LPA: variants seen among roughly 807,000 people sequenced by gnomAD.
The protein encoded by LPA is apolipoprotein(a).
Under a neutral mutation model 197.9 loss-of-function variants are expected in LPA, and 199 were observed. The observed-to-expected ratio is 1.01, with a 90% CI of 0.90 to 1.13. The LOEUF (loss-of-function observed/expected upper bound fraction) is 1.13, where lower values mean the gene tolerates loss of function less well. Among genes scored for constraint, LPA ranks in the 50% most tolerant of loss-of-function variants. The pLI is 0.00. For synonymous variants in LPA, 715 were observed against 639.5 expected, an observed-to-expected ratio of 1.12 and a Z score of -1.78; for missense variants, 1,853 against 1,785.8, an observed-to-expected ratio of 1.04 and a Z score of -0.68.
intron 22 of LPA, among the ~76,000 whole-genome samples, chr6:160,593,163 C>G (rs957472216): frequency 6.6e-6 from 1 of 152,132 alleles, no homozygotes; most frequent in Non-Finnish European, 1.5e-5. Flanking sequence ...CTCAGTTAAG[C>G]AAGACTGCTG....
chr6:160,603,475 A>G (rs1779284844), intron 18 of LPA, among the ~76,000 whole-genome samples: 2 of 152,100 alleles, frequency 1.3e-5, no homozygotes, highest in Non-Finnish European at 2.9e-5. Flanking sequence ...GCTCTTCTAT[A>G]CTGTTACTGT....
chr6:160,603,435 C>G (rs1050981915), intron 18 of LPA, among the ~76,000 whole-genome samples: 3 of 151,940 alleles, frequency 2.0e-5, no homozygotes, highest in Non-Finnish European at 2.9e-5. Context: ...TAAGACATAC[C>G]TTCTTATACT....
intron 30 of LPA, among the ~76,000 whole-genome samples, chr6:160,551,758 C>T (rs1778169800): frequency 6.6e-6 from 1 of 152,124 alleles, no homozygotes. Flanking sequence ...TCATGGATAT[C>T]CAAATGGTTC....
chr6:160,656,434 A>G (rs1191433294), intron 1 of LPA, among the ~76,000 whole-genome samples: 4 of 152,170 alleles, frequency 2.6e-5, no homozygotes, highest in African/African-American at 9.7e-5. Flanking sequence ...TGACCAGAGG[A>G]TAAGTCCAGG....
In LPA at chr6:160,585,206, C is replaced by G. The variant is rs199536939; in HGVS notation, c.4130-1G>C. On this transcript the variant is annotated splice_acceptor_variant, in intron 25 of 38. Coordinates refer to ENST00000316300, the MANE Select transcript of LPA (RefSeq NM_005577.4). LOFTEE classifies it high-confidence loss of function. ...ACCCCAGTGCTGTTTTCAGTTGGTG[C>G]TGAAATTAAAAGAGAAAATCAAGCT... The G allele has an allele frequency of 4.0e-5, 65 of 1,613,446 alleles. No homozygotes were observed. The South Asian group carries it at 5.3e-4, about 13-fold the overall frequency.
At position 160,635,252 on chromosome 6, in the gene LPA, A is replaced by G; in HGVS notation, c.946T>C (p.Cys316Arg). Reference protein sequence around the residue: ...RNPDAVAAPYCYTRDPGVRWE... With the variant: ...RNPDAVAAPYRYTRDPGVRWE... The stretch of plus-strand genomic sequence containing the variant: ...CTGACACCGGGATCCCTCGTATAAC[A>G]ATAAGGAGCTGCCACAGCATCTGGA... The change falls in exon 7 of 39, where the codon TGT becomes CGT. Residue 316 changes from cysteine (C) to arginine (R), a missense_variant. Physicochemically the swap from Cys to Arg is radical, Grantham distance 180 (BLOSUM62 -3). Transcript: ENST00000316300. 1.6e-6 allele frequency: 2 copies of G among 1,267,700 alleles called. No individual in the cohort carries two copies. The highest frequency in any genetic ancestry group is 2.2e-6 in the Non-Finnish European group (2 of 908,636). 78.5% of individuals were successfully genotyped at this position (1,267,700 alleles called of 1,614,324 possible). A position where few individuals can be genotyped will look rare whatever the true frequency, so the allele number is the denominator to read the frequency against.
intron 17 of LPA, 106 bp downstream of exon 17, chr6:160,606,371 C>A (rs1204673301): frequency 2.7e-6 from 4 of 1,487,160 alleles, no homozygotes; most frequent in East Asian, 2.3e-5. Context: ...ACTCAGTCAA[C>A]ACTCGAGCAT....
intron 28 of LPA, among the ~76,000 whole-genome samples, chr6:160,573,940 T>G (rs1778608349): frequency 6.6e-6 from 1 of 152,046 alleles, no homozygotes; most frequent in East Asian, 1.9e-4. Context: ...GGACTAGAGG[T>G]GGGTGGGCCC....
intron 2 of LPA, 142 bp downstream of exon 2, chr6:160,650,196 C>T (rs1363799628): frequency 6.3e-6 from 5 of 791,524 alleles, no homozygotes; most frequent in African/African-American, 1.7e-5. Flanking sequence ...ACTCTTTGCT[C>T]AAAGTAATGT....
At chr6:160,647,075 G>A (rs1020431052) in intron 2 of LPA, among the ~76,000 whole-genome samples, 2 of 152,182 alleles carry the variant, frequency 1.3e-5, no homozygotes, top group South Asian at 2.1e-4. Flanking sequence ...CTCCCAGGCA[G>A]AATGCAGTAT....
chr6:160,609,174 T>A (rs1435294189), intron 16 of LPA, among the ~76,000 whole-genome samples: 3 of 152,128 alleles, frequency 2.0e-5, no homozygotes, highest in East Asian at 1.9e-4. Flanking sequence ...TTCTTTCGGG[T>A]CACCTCTGTT....
intron 30 of LPA, among the ~76,000 whole-genome samples, chr6:160,553,263 C>A (rs943795080): frequency 2.6e-5 from 4 of 152,064 alleles, no homozygotes; most frequent in Non-Finnish European, 5.9e-5. Context: ...TTGCCATTTG[C>A]CATTTCCAGG....
chr6:160,606,818 A>G (rs1779364584), intron 16 of LPA, among the ~76,000 whole-genome samples, 160 bp from the exon 17 acceptor site: 1 of 152,178 alleles, frequency 6.6e-6, no homozygotes, highest in South Asian at 2.1e-4. Flanking sequence ...GCTCTCAATC[A>G]CTAATCCTGT....
At chr6:160,557,815 T>A (rs1417618927) in intron 28 of LPA, among the ~76,000 whole-genome samples, 1 of 152,132 alleles carries the variant, frequency 6.6e-6, no homozygotes, top group Non-Finnish European at 1.5e-5. Context: ...ATAAAAAAAC[T>A]GAGATCATAC....
chr6:160,574,468 T>A (rs1778619196), intron 28 of LPA, among the ~76,000 whole-genome samples: 1 of 152,064 alleles, frequency 6.6e-6, no homozygotes, highest in South Asian at 2.1e-4. Context: ...AGAGCAGTCC[T>A]CCATGTGGAG....
chr6:160,653,971 TATAATATATAATATATAA>T, intron 1 of LPA, among the ~76,000 whole-genome samples: 3 of 21,240 alleles, frequency 1.4e-4, no homozygotes, highest in African/African-American at 5.9e-4. Flanking sequence ...ATATATTATA[TATAATATATAATATATAA>T]TATATATTAT....
In LPA at chr6:160,584,224, CTTCTTCTTCTTCT is replaced by C. The variant is rs1562331212; in HGVS notation, c.4289+809_4289+821del. On this transcript the variant is annotated intron_variant, in intron 26 of 38. Transcript: ENST00000316300. ...TCTTCTTCTTCTTCTTCTTCTTCTT[CTTCTTCTTCTTCT>C]TCCTCCTCCTCCTCCTCCTCCTCTT... is the stretch of plus-strand genomic sequence containing the variant. 5.3e-4 allele frequency among the ~76,000 whole-genome samples: 58 copies of C among 110,254 alleles called. No homozygotes were observed. The Middle Eastern group carries it at 0.025, about 47-fold the overall frequency. 72.3% of individuals were successfully genotyped at this position (110,254 alleles called of 152,430 possible).
At chr6:160,647,396 T>C (rs184919067) in intron 2 of LPA, among the ~76,000 whole-genome samples, 1 of 152,272 alleles carries the variant, frequency 6.6e-6, no homozygotes, top group East Asian at 1.9e-4. Context: ...TGTGGCTGCC[T>C]GAGAAAATGG....
At chr6:160,659,910 G>A (rs1410980584) in intron 1 of LPA, among the ~76,000 whole-genome samples, 1 of 149,976 alleles carries the variant, frequency 6.7e-6, no homozygotes, top group Non-Finnish European at 1.5e-5. Flanking sequence ...AAGGAAGAAA[G>A]TACAACGGGT....
Sources: allele counts gnomAD v4.1 joint callset (sites outside exome capture counted in the v4.1 genomes callset), GRCh38; gene constraint gnomAD v4.1.1; transcripts MANE v1.5; gene names NCBI Gene and HGNC (gene_info 2026-07-23, HGNC 2026-07-21).